The following HMCN2 variants were observed in gnomAD, a reference collection of about 807,000 sequenced individuals.
HMCN2 encodes hemicentin-2.
A neutral mutation model predicts 377.5 loss-of-function variants in HMCN2; 325 were observed. The observed-to-expected ratio is 0.86, with a 90% CI of 0.79 to 0.94. HMCN2 has a LOEUF of 0.94. Among genes scored for constraint, HMCN2 ranks in the 40% least tolerant of loss-of-function variants. HMCN2 has a pLI of 0.00. For missense variants in HMCN2, 4,543 were observed against 4,725.3 expected (o/e 0.96, Z 1.13); for synonymous variants, 2,007 against 2,046.8 (o/e 0.98, Z 0.53).
chr9:130,268,830 G>A (rs1432199072), intron 1 of HMCN2, among the ~76,000 whole-genome samples: 2 of 148,524 alleles, frequency 1.3e-5, no homozygotes, highest in Non-Finnish European at 3.0e-5. Flanking sequence ...AGTGGGGAAG[G>A]GCAAGATTGG....
chr9:130,370,879 G>C (rs1840984643), intron 45 of HMCN2, 85 bp from the exon 46 acceptor site: 11 of 840,342 alleles, frequency 1.3e-5, no homozygotes, highest in Non-Finnish European at 1.6e-5. Context: ...GGTGGAGTTG[G>C]GGGGCAGTCA....
chr9:130,405,588 T>C (rs1588409224), intron 81 of HMCN2, among the ~76,000 whole-genome samples: 1 of 152,302 alleles, frequency 6.6e-6, no homozygotes, highest in South Asian at 2.1e-4. Flanking sequence ...CCGGCCCTGC[T>C]TGAATGCACC....
chr9:130,393,260 C>G lies in HMCN2; in HGVS notation c.10185C>G (p.Ala3395=), dbSNP rs531388422. 1.0e-6 allele frequency: 1 copy of G among 988,540 alleles called. No homozygotes were observed. The highest frequency in any genetic ancestry group is 1.2e-6 in the Non-Finnish European group (1 of 830,462). 61.2% of individuals were successfully genotyped at this position (988,540 alleles called of 1,614,324 possible). A position where few individuals can be genotyped will look rare whatever the true frequency, so the allele number is the denominator to read the frequency against. ...ACGCTGGCATCTTCACCTGTGTGGC[C>G]GCAAGCCCAGCTGGCGTGGCGGACA... ...LADAGIFTCV[A]ASPAGVADRN... is the part of the protein sequence containing the mutation. Residue 3395 remains alanine, a synonymous_variant, in exon 67 of 98, where the codon GCC becomes GCG. Coordinates refer to ENST00000683500, the MANE Select transcript of HMCN2 (RefSeq NM_001291815.2). The surrounding 1 kb of genome is among the most constrained non-coding windows in gnomAD (Gnocchi z 5.2).
rs1840905086 is a variant in HMCN2 at position 130,369,650 on chromosome 9, A to G, written c.6868A>G (p.Asn2290Asp). 1.1e-5 allele frequency: 11 copies of G among 985,768 alleles called. No individual in the cohort carries two copies. The South Asian group carries it at 4.7e-4, about 42-fold the overall frequency. 61.1% of individuals were successfully genotyped at this position (985,768 alleles called of 1,614,324 possible). ...VQDGVATLEC[N>D]ATGKPPPTVT... ...GGATGGAGTGGCCACTCTGGAGTGC[A>G]ACGCCACAGGGAAACCCCCTCCGAC... The change falls in exon 45 of 98, where the codon AAC (asparagine) becomes GAC (aspartate). Residue 2290 changes from asparagine to aspartate, a missense_variant. Physicochemically the swap from Asn to Asp is conservative, Grantham distance 23 (BLOSUM62 1). Around this residue, in one of 5 missense-constraint regions of HMCN2, gnomAD observed 1,032 missense variants for 1,285.1 expected, o/e 0.80. Transcript: ENST00000683500. The surrounding 1 kb of genome is among the most constrained non-coding windows in gnomAD (Gnocchi z 4.5).
chr9:130,313,366 CCTGCGAGG>C lies in HMCN2; in HGVS notation c.2350+3307_2350+3314del, dbSNP rs1837367150. On this transcript the variant is annotated intron_variant, in intron 15 of 97. Transcript: ENST00000683500. ...AGGAGGGCCTGCACTTGTGGACCAG[CCTGCGAGG>C]CACTGGTGGATTACCTTCCGAGCCT... Among the ~76,000 whole-genome samples the C allele has an allele frequency of 3.4e-3, 498 of 147,172 alleles. 1 individual carries two copies. Among genetic ancestry groups the C allele is most frequent in the Middle Eastern group, 7.2e-3 (2 of 276 alleles).
intron 1 of HMCN2, among the ~76,000 whole-genome samples, chr9:130,281,154 T>C (rs2131264000): frequency 6.6e-6 from 1 of 152,114 alleles, no homozygotes; most frequent in Middle Eastern, 3.4e-3. Flanking sequence ...TGTTTTGCTT[T>C]GTTTTGCCTG....
intron 1 of HMCN2, among the ~76,000 whole-genome samples, chr9:130,277,772 CCATCATCATCACCACCACCAT>C (rs1834791513): frequency 2.1e-5 from 2 of 96,596 alleles, no homozygotes; most frequent in Admixed American, 1.0e-4. Flanking sequence ...ATCACCACCA[CCATCATCATCACCACCACCAT>C]CATCATCACC....
At chr9:130,356,397 C>G in intron 34 of HMCN2, 140 bp downstream of exon 34, 1 of 824,148 alleles carries the variant, frequency 1.2e-6, no homozygotes, top group East Asian at 7.0e-5. Flanking sequence ...TCCCAGTTCC[C>G]CACAGAGACG....
intron 60 of HMCN2, 68 bp downstream of exon 60, chr9:130,385,830 C>A: frequency 2.7e-6 from 3 of 1,123,496 alleles, no homozygotes; most frequent in South Asian, 1.3e-5. Context: ...CCCTGGCGAG[C>A]TGCGGGGAGG....
At position 130,375,668 on chromosome 9, in the gene HMCN2, C is replaced by T. The variant is rs554536219; in HGVS notation, c.7736C>T (p.Ser2579Phe). ...SLICEALAFP[S>F]PNITWMKDGA... is the part of the protein sequence containing the mutation. Reference sequence around the variant, plus strand: ...ATCTGCGAGGCCCTGGCCTTCCCTTCCCCCAACATCACCTGGATGAAGGAC... The same window carrying T: ...ATCTGCGAGGCCCTGGCCTTCCCTTTCCCCAACATCACCTGGATGAAGGAC... The change falls in exon 50 of 98, where the codon TCC becomes TTC. Residue 2579 changes from serine to phenylalanine, a missense_variant. By Grantham distance (155) the Ser-to-Phe change is radical. This residue lies in a region of HMCN2 where 736 missense variants were observed against 773.2 expected (regional missense o/e 0.95). Transcript: ENST00000683500. 31 of 985,938 alleles carry T rather than the reference C, an allele frequency of 3.1e-5. No homozygotes were observed. The South Asian group carries it at 1.3e-3, about 40-fold the overall frequency. 61.1% of individuals were successfully genotyped at this position (985,938 alleles called of 1,614,324 possible).
Position 130,374,568 on chromosome 9 carries a change from A to C in HMCN2, c.7505A>C (p.His2502Pro), listed in dbSNP as rs918492958. 1 of 985,604 alleles carries C rather than the reference A, an allele frequency of 1.0e-6. No individual in the cohort carries two copies. The allele number at this position is 985,604 out of a possible 1,614,324, so 61.1% of individuals were successfully genotyped here. A position where few individuals can be genotyped will look rare whatever the true frequency, so the allele number is the denominator to read the frequency against. The change falls in exon 49 of 98, where the codon CAC (histidine) becomes CCC (proline). Residue 2502 changes from histidine (H) to proline (P), a missense_variant. His to Pro is a moderately conservative substitution (Grantham distance 77). Coordinates refer to ENST00000683500, the MANE Select transcript of HMCN2 (RefSeq NM_001291815.2). ...CCTCTGGCTAGGGGAGATGCTCACC[A>C]CATCTCCCCAGACGGAGTCCTCCTG... ...GRPLARGDAHHISPDGVLLQV... is the reference protein window; with the variant it reads ...GRPLARGDAHPISPDGVLLQV...
At chr9:130,335,613 T>A in intron 22 of HMCN2, among the ~76,000 whole-genome samples, 1 of 152,188 alleles carries the variant, frequency 6.6e-6, no homozygotes, top group East Asian at 1.9e-4. Flanking sequence ...TATTGAAAGA[T>A]GAGCAGGTGT....
chr9:130,346,488 T>C (rs1260660711), intron 25 of HMCN2, among the ~76,000 whole-genome samples: 1 of 144,760 alleles, frequency 6.9e-6, no homozygotes, highest in African/African-American at 2.6e-5. Flanking sequence ...CAGGGGGGTG[T>C]GGCACTCACG....
chr9:130,327,685 T>C (rs1298631713), intron 22 of HMCN2, among the ~76,000 whole-genome samples: 1 of 152,148 alleles, frequency 6.6e-6, no homozygotes, highest in African/African-American at 2.4e-5. Context: ...AGGGTGAGAC[T>C]CCCCATCTGA....
chr9:130,431,146 T>C (rs952392930), intron 95 of HMCN2: 3 of 588,896 alleles, frequency 5.1e-6, no homozygotes, highest in Admixed American at 3.0e-5. Flanking sequence ...GCTCCTTCTA[T>C]GCCTTGGTGA....
chr9:130,299,626 C>T (rs1246959255), intron 8 of HMCN2, among the ~76,000 whole-genome samples: 1 of 144,494 alleles, frequency 6.9e-6, no homozygotes, highest in Non-Finnish European at 1.5e-5. Flanking sequence ...CACCCATCCA[C>T]TCACCCATCC....
chr9:130,333,675 C>A (rs1838553994), intron 22 of HMCN2, among the ~76,000 whole-genome samples: 1 of 152,356 alleles, frequency 6.6e-6, no homozygotes. Flanking sequence ...TCCCATCTCT[C>A]CGCTGCCGCC....
Position 130,357,825 on chromosome 9 carries a change from C to T in HMCN2, c.5426-9C>T, listed in dbSNP as rs1287507604. On this transcript the variant is annotated splice_polypyrimidine_tract_variant and intron_variant, in intron 34 of 97. Coordinates refer to ENST00000683500, the MANE Select transcript of HMCN2 (RefSeq NM_001291815.2). Reference sequence around the variant, plus strand: ...GACTCGGGCTCTTCCTGACTCTTTCCCTTCCCAGAGTTCCCATCGGTCAGT... The same window carrying T: ...GACTCGGGCTCTTCCTGACTCTTTCTCTTCCCAGAGTTCCCATCGGTCAGT... The T allele has an allele frequency of 3.1e-6, 4 of 1,301,042 alleles. No individual in the cohort carries two copies. The Admixed American group carries it at 6.9e-5, about 22-fold the overall frequency. 80.6% of individuals were successfully genotyped at this position (1,301,042 alleles called of 1,614,324 possible).
Position 130,271,753 on chromosome 9 carries a change from T to C in HMCN2, c.259+5616T>C. 1.3e-5 allele frequency among the ~76,000 whole-genome samples: 2 copies of C among 149,022 alleles called. 1 individual carries two copies. The highest frequency in any genetic ancestry group is 3.0e-5 in the Non-Finnish European group (2 of 66,362). ...CCAGGATATCCGTGCTAAGTGTGTT[T>C]GTTGGTACTGAGGTGCTGTTACTTC... On this transcript the variant is annotated intron_variant, in intron 1 of 97. Coordinates refer to ENST00000683500, the MANE Select transcript of HMCN2 (RefSeq NM_001291815.2).
Sources: allele counts gnomAD v4.1 joint callset (sites outside exome capture counted in the v4.1 genomes callset), GRCh38; gene constraint gnomAD v4.1.1; regional missense constraint gnomAD v4.1.1; non-coding constraint Gnocchi (gnomAD v3.1); transcripts MANE v1.5; gene names NCBI Gene and HGNC (gene_info 2026-07-23, HGNC 2026-07-21).